FAAH2: variants seen among roughly 807,000 people sequenced by gnomAD.
FAAH2 encodes fatty acid amide hydrolase 2.
A neutral mutation model predicts 36.9 loss-of-function variants in FAAH2; 60 were observed. The ratio of observed to expected loss-of-function variants is 1.63; its 90% CI spans 1.32 to 2.02. The LOEUF is 2.02. FAAH2 is among the 30% of genes most tolerant of loss of function. The pLI, the probability that FAAH2 is intolerant of heterozygous loss-of-function variation, is 0.00. For missense variants in FAAH2, 689 were observed against 397.5 expected (o/e 1.73, Z -6.23); for synonymous variants, 214 against 143.8 (o/e 1.49, Z -3.49).
the FAAH2 span, among the ~76,000 whole-genome samples, chrX:57,264,725 A>G: frequency 2.7e-5 from 3 of 112,376 alleles, no homozygotes; most frequent in Non-Finnish European, 5.6e-5. Context: ...ATAAACACGC[A>G]TGCACACATG....
chrX:57,263,094 G>T, the FAAH2 span, among the ~76,000 whole-genome samples: 1 of 111,481 alleles, frequency 9.0e-6, no homozygotes, highest in African/African-American at 3.2e-5. Context: ...AATGCTGGAA[G>T]TTCCAGACAA....
the FAAH2 span, among the ~76,000 whole-genome samples, chrX:57,256,747 A>G: frequency 2.7e-5 from 3 of 112,285 alleles, no homozygotes; most frequent in Non-Finnish European, 3.8e-5. Flanking sequence ...CTATCATCAG[A>G]GTGAACAGGC....
chrX:57,181,838 C>A, the FAAH2 span, among the ~76,000 whole-genome samples: 18 of 111,874 alleles, frequency 1.6e-4, no homozygotes, highest in Non-Finnish European at 2.4e-4. Context: ...TACTATAGGG[C>A]TGCAATAATC....
At chrX:57,300,926 C>T (rs1313153865) in intron 2 of FAAH2, among the ~76,000 whole-genome samples, 2 of 111,892 alleles carry the variant, frequency 1.8e-5, no homozygotes, top group Non-Finnish European at 3.8e-5. Flanking sequence ...CATCTCACAC[C>T]AGTTAGAATG....
intron 10 of FAAH2, among the ~76,000 whole-genome samples, chrX:57,482,520 G>A (rs1174827952): frequency 9.1e-6 from 1 of 109,446 alleles, no homozygotes; most frequent in African/African-American, 3.3e-5. Flanking sequence ...GTACTTCCTG[G>A]GTGAGGCAAT....
intron 7 of FAAH2, among the ~76,000 whole-genome samples, chrX:57,411,090 C>T (rs1163528694): frequency 1.8e-5 from 2 of 111,899 alleles, no homozygotes; most frequent in Non-Finnish European, 3.8e-5. Flanking sequence ...GAAGAAAGAT[C>T]TTTACCAGTG....
At chrX:57,172,541 A>G in the FAAH2 span, among the ~76,000 whole-genome samples, 2 of 112,329 alleles carry the variant, frequency 1.8e-5, no homozygotes, top group African/African-American at 6.5e-5. Context: ...AATTAGACCC[A>G]CTACCTTATC....
chrX:57,453,944 T>C (rs1408539714), intron 10 of FAAH2, among the ~76,000 whole-genome samples: 1 of 111,665 alleles, frequency 9.0e-6, no homozygotes, highest in South Asian at 3.8e-4. Context: ...CTACTAAATG[T>C]GGTCCCTGCC....
intron 5 of FAAH2, among the ~76,000 whole-genome samples, chrX:57,374,229 A>G: frequency 9.0e-6 from 1 of 111,000 alleles, no homozygotes; most frequent in Non-Finnish European, 1.9e-5. Context: ...AATTTTGGGA[A>G]TTTTTCTAGT....
In FAAH2 at chrX:57,292,578, C is replaced by A. The variant is rs753315414; in HGVS notation, c.273C>A (p.Tyr91Ter). 6 of 1,203,226 alleles carry A rather than the reference C, an allele frequency of 5.0e-6. No individual in the cohort carries two copies. In the Middle Eastern group the frequency reaches 9.2e-4, roughly 184 times the overall value. Residue 91 changes from tyrosine (Y) to a stop codon, truncating the protein, a stop_gained and splice_region_variant, in exon 2 of 11, where the codon TAC becomes TAA. Coordinates refer to ENST00000374900, the MANE Select transcript of FAAH2 (RefSeq NM_174912.4). LOFTEE classifies it high-confidence loss of function. The part of the protein sequence containing the change: ...VNPMINGIVK[Y>*]RFEEAMKEAH... Reference sequence around the variant, plus strand: ...CAATGATCAATGGAATTGTCAAGTACAGGTGAGCATTTCCACTCTCTCAAG... The same window carrying A: ...CAATGATCAATGGAATTGTCAAGTAAAGGTGAGCATTTCCACTCTCTCAAG...
At chrX:57,340,469 T>G (rs912247996) in intron 4 of FAAH2, among the ~76,000 whole-genome samples, 2 of 112,180 alleles carry the variant, frequency 1.8e-5, no homozygotes, top group South Asian at 3.7e-4. Flanking sequence ...ATAAAGCATT[T>G]TATTATAAAG....
At chrX:57,338,898 G>A (rs1340809588) in intron 4 of FAAH2, among the ~76,000 whole-genome samples, 3 of 110,730 alleles carry the variant, frequency 2.7e-5, no homozygotes, top group Non-Finnish European at 3.8e-5. Context: ...CAGAGAATTA[G>A]GAAAAAAAAA....
intron 5 of FAAH2, among the ~76,000 whole-genome samples, chrX:57,377,286 C>A (rs1022969417): frequency 8.9e-6 from 1 of 112,391 alleles, no homozygotes; most frequent in African/African-American, 3.2e-5. Flanking sequence ...TTAGGTCTTA[C>A]ATTTAAGTCT....
chrX:57,377,977 C>G (rs1190593082), intron 5 of FAAH2, among the ~76,000 whole-genome samples: 1 of 111,782 alleles, frequency 8.9e-6, no homozygotes, highest in Admixed American at 9.5e-5. Flanking sequence ...GATTTTTGCA[C>G]ATTGATTTTG....
At chrX:57,202,824 T>A in the FAAH2 span, among the ~76,000 whole-genome samples, 2 of 111,884 alleles carry the variant, frequency 1.8e-5, no homozygotes, top group African/African-American at 6.5e-5. Context: ...TTTATTGTAC[T>A]GTGGCTGGGC....
the FAAH2 span, among the ~76,000 whole-genome samples, chrX:57,236,770 G>A: frequency 9.0e-6 from 1 of 111,316 alleles, no homozygotes; most frequent in African/African-American, 3.3e-5. Context: ...TTATCAGATG[G>A]ATGGTTTGCA....
At chrX:57,414,075 T>C (rs1054258474) in intron 7 of FAAH2, among the ~76,000 whole-genome samples, 4 of 112,426 alleles carry the variant, frequency 3.6e-5, no homozygotes, top group East Asian at 2.8e-4. Context: ...CCTGAGACTT[T>C]GCTGAAGTTG....
At chrX:57,371,278 C>T (rs979824573) in intron 5 of FAAH2, among the ~76,000 whole-genome samples, 1 of 111,140 alleles carries the variant, frequency 9.0e-6, no homozygotes, top group Non-Finnish European at 1.9e-5. Flanking sequence ...TCTCCTGTGT[C>T]TATTTTTCTA....
rs1170980791 is a variant in FAAH2, at chrX:57,393,746, C to T, written c.996+12717C>T. The T allele has an allele frequency of 4.0e-6, 4 of 1,008,012 alleles. No homozygotes were observed. The African/African-American group carries it at 7.5e-5, about 19-fold the overall frequency. The allele number at this position is 1,008,012 out of a possible 1,213,427, so 83.1% of individuals were successfully genotyped here. A position where few individuals can be genotyped will look rare whatever the true frequency, so the allele number is the denominator to read the frequency against. ...GAGAGCCAGGACAGCCATAATTTCA[C>T]TGGCCACAGAGATATCAAAGTGGAC... is the stretch of plus-strand genomic sequence containing the variant. On this transcript the variant is annotated intron_variant, in intron 7 of 10. Coordinates refer to ENST00000374900, the MANE Select transcript of FAAH2 (RefSeq NM_174912.4).
Sources: allele counts gnomAD v4.1 joint callset (sites outside exome capture counted in the v4.1 genomes callset), GRCh38; gene constraint gnomAD v4.1.1; transcripts MANE v1.5; gene names NCBI Gene and HGNC (gene_info 2026-07-23, HGNC 2026-07-21).